Variants in MARCHF1 observed in about 807,000 individuals in gnomAD.
MARCHF1 encodes membrane associated ring-CH-type finger 1, also known as E3 ubiquitin-protein ligase MARCHF1.
MARCHF1 carries 40 observed loss-of-function variants against 54.2 expected under a neutral mutation model. The ratio of observed to expected loss-of-function variants is 0.74; its 90% CI spans 0.57 to 0.96. MARCHF1 has a LOEUF of 0.96. Ranked by LOEUF, MARCHF1 falls within the 40% of genes least tolerant of loss-of-function variation. The pLI is 0.00. For synonymous variants in MARCHF1, 236 were observed against 236.3 expected (o/e 1.00, Z 0.01); for missense variants, 586 against 656.5 (o/e 0.89, Z 1.17).
intron 2 of MARCHF1, among the ~76,000 whole-genome samples, chr4:164,042,117 T>C (rs1447836777): frequency 6.6e-6 from 1 of 152,150 alleles, no homozygotes; most frequent in African/African-American, 2.4e-5. Context: ...ACTGAATATG[T>C]TTACCATTGT....
intron 4 of MARCHF1, among the ~76,000 whole-genome samples, chr4:163,729,632 T>C (rs1745770191): frequency 6.6e-6 from 1 of 152,102 alleles, no homozygotes; most frequent in African/African-American, 2.4e-5. Flanking sequence ...ATCAAGTTTG[T>C]GGGTGGGCAT....
intron 2 of MARCHF1, among the ~76,000 whole-genome samples, chr4:164,038,263 G>T (rs1754051198): frequency 6.6e-6 from 1 of 152,174 alleles, no homozygotes; most frequent in South Asian, 2.1e-4. Flanking sequence ...GGAGGCCGAG[G>T]CAGGTGGATC....
intron 3 of MARCHF1, among the ~76,000 whole-genome samples, chr4:163,899,952 A>G (rs1466344477): frequency 6.6e-6 from 1 of 151,768 alleles, no homozygotes; most frequent in Non-Finnish European, 1.5e-5. Flanking sequence ...CCTTAGCCTT[A>G]AAGTATTTTT....
chr4:164,210,182 G>A (rs977717684), intron 1 of MARCHF1, among the ~76,000 whole-genome samples: 4 of 152,160 alleles, frequency 2.6e-5, no homozygotes, highest in Admixed American at 6.5e-5. Context: ...TGATTAAACT[G>A]ATTGATAAGA....
At chr4:164,241,495 T>C (rs988753550) in intron 1 of MARCHF1, among the ~76,000 whole-genome samples, 2 of 152,144 alleles carry the variant, frequency 1.3e-5, no homozygotes, top group East Asian at 1.9e-4. Flanking sequence ...CAGTATACAA[T>C]GATAAGTGTT....
intron 4 of MARCHF1, among the ~76,000 whole-genome samples, chr4:163,797,860 T>C (rs1747962999): frequency 1.3e-5 from 2 of 151,956 alleles, no homozygotes; most frequent in African/African-American, 4.8e-5. Flanking sequence ...CTAAGCCTGC[T>C]GTTTCTTTTC....
intron 1 of MARCHF1, among the ~76,000 whole-genome samples, chr4:164,325,503 T>C (rs1735254234): frequency 6.6e-6 from 1 of 151,934 alleles, no homozygotes; most frequent in Non-Finnish European, 1.5e-5. Context: ...CAAACATTAG[T>C]TTCAGATGAT....
chr4:164,355,849 T>A, intron 1 of MARCHF1, among the ~76,000 whole-genome samples: 1 of 114,622 alleles, frequency 8.7e-6, no homozygotes, highest in Non-Finnish European at 1.9e-5. Flanking sequence ...TGGGAGAAAA[T>A]TTTCACAACC....
chr4:164,186,592 A>T (rs1730976802), intron 1 of MARCHF1, among the ~76,000 whole-genome samples: 1 of 152,148 alleles, frequency 6.6e-6, no homozygotes, highest in African/African-American at 2.4e-5. Flanking sequence ...GAAGAGGAAA[A>T]GCTCTCCCAC....
chr4:163,959,269 A>T (rs1752291434), intron 3 of MARCHF1, among the ~76,000 whole-genome samples: 1 of 151,854 alleles, frequency 6.6e-6, no homozygotes, highest in Admixed American at 6.6e-5. Flanking sequence ...TTTAAAATTC[A>T]TATGGAACCA....
At chr4:164,364,093 A>G (rs1730805420) in intron 1 of MARCHF1, among the ~76,000 whole-genome samples, 1 of 152,124 alleles carries the variant, frequency 6.6e-6, no homozygotes, top group Admixed American at 6.6e-5. Context: ...TTATTTATCA[A>G]AGAAGGGAAG....
In MARCHF1 at chr4:164,258,677, T is replaced by C. The variant is rs995254469; in HGVS notation, c.-323+125193A>G. ...TTGATCATTTTATACAGACATTTTATAATACATTTCCATTTTGGGTATCAA... is the reference window on the plus strand; with the variant it reads ...TTGATCATTTTATACAGACATTTTACAATACATTTCCATTTTGGGTATCAA... On this transcript the variant is annotated intron_variant, in intron 1 of 9. Transcript: ENST00000514618. 3.3e-5 allele frequency among the ~76,000 whole-genome samples: 5 copies of C among 152,286 alleles called. No homozygotes were observed. The East Asian group carries it at 7.7e-4, about 23-fold the overall frequency.
rs559051083 is a variant in MARCHF1, at chr4:164,356,537, A to T, written c.-323+27333T>A. On this transcript the variant is annotated intron_variant, in intron 1 of 9. Transcript: ENST00000514618. The stretch of plus-strand genomic sequence containing the variant: ...AAGAACAAAAAACCAAACACCGCAT[A>T]TTCTCACTCATAGGTGGGAATTGAA... 2.4e-5 allele frequency among the ~76,000 whole-genome samples: 3 copies of T among 126,760 alleles called. 1 individual carries two copies. The South Asian group carries it at 7.7e-4, about 33-fold the overall frequency. 83.2% of individuals were successfully genotyped at this position (126,760 alleles called of 152,430 possible). A position where few individuals can be genotyped will look rare whatever the true frequency, so the allele number is the denominator to read the frequency against.
At chr4:164,162,672 TC>T (rs1382016832) in intron 1 of MARCHF1, among the ~76,000 whole-genome samples, 1 of 152,066 alleles carries the variant, frequency 6.6e-6, no homozygotes, top group Non-Finnish European at 1.5e-5. Context: ...CAACTGAGGT[TC>T]CAGAAGAAAA....
At chr4:163,867,172 G>A (rs544701852) in intron 3 of MARCHF1, among the ~76,000 whole-genome samples, 8 of 151,826 alleles carry the variant, frequency 5.3e-5, no homozygotes, top group African/African-American at 1.5e-4. Flanking sequence ...CTAGGGACTC[G>A]CCATGAGTCA....
At chr4:164,159,617 C>T (rs559415749) in intron 1 of MARCHF1, among the ~76,000 whole-genome samples, 4 of 152,144 alleles carry the variant, frequency 2.6e-5, no homozygotes, top group East Asian at 3.9e-4. Flanking sequence ...CATTACAGCA[C>T]GTTCTCAATA....
At chr4:163,877,406 T>C (rs968925566) in intron 3 of MARCHF1, among the ~76,000 whole-genome samples, 46 of 151,790 alleles carry the variant, frequency 3.0e-4, no homozygotes, top group Admixed American at 9.2e-4. Context: ...TACCACTGCC[T>C]CGGTCCCACC....
intron 1 of MARCHF1, among the ~76,000 whole-genome samples, chr4:164,342,112 A>G (rs1308401330): frequency 6.6e-6 from 1 of 152,198 alleles, no homozygotes; most frequent in African/African-American, 2.4e-5. Context: ...AAAGCAAAAA[A>G]AGACATATAA....
chr4:163,818,393 A>AGATTCTGTGCCTTGTT (rs1395414686), intron 4 of MARCHF1, among the ~76,000 whole-genome samples: 84 of 152,070 alleles, frequency 5.5e-4, no homozygotes, highest in Non-Finnish European at 1.1e-3. Flanking sequence ...TCCATTAATA[A>AGATTCTGTGCCTTGTT]GATTCTGTGC....
Sources: allele counts gnomAD v4.1 joint callset (sites outside exome capture counted in the v4.1 genomes callset), GRCh38; gene constraint gnomAD v4.1.1; transcripts MANE v1.5; gene names NCBI Gene and HGNC (gene_info 2026-07-23, HGNC 2026-07-21).